ADAMTS3: variants seen among roughly 807,000 people sequenced by gnomAD.
The protein encoded by ADAMTS3 is ADAM metallopeptidase with thrombospondin type 1 motif 3, also known as A disintegrin and metalloproteinase with thrombospondin motifs 3.
In ADAMTS3, 73 loss-of-function variants were observed where a neutral mutation model predicts 129.0. The observed-to-expected ratio is 0.57, with a 90% CI of 0.47 to 0.69. The LOEUF (loss-of-function observed/expected upper bound fraction) is 0.69. ADAMTS3 is among the 30% of genes least tolerant of loss of function. The probability of loss-of-function intolerance (pLI) is 0.00; values close to 1 mark genes in which losing one functional copy is unlikely to be tolerated. For missense variants in ADAMTS3, 1,457 were observed against 1,514.5 expected, an observed-to-expected ratio of 0.96 and a Z score of 0.63; for synonymous variants, 477 against 510.8, an observed-to-expected ratio of 0.93 and a Z score of 0.89.
intron 2 of ADAMTS3, among the ~76,000 whole-genome samples, chr4:72,560,369 G>A (rs1721874124): frequency 1.3e-5 from 2 of 151,998 alleles, no homozygotes; most frequent in South Asian, 2.1e-4. Context: ...TTAAACTAAA[G>A]AGTTTCTACA....
At chr4:72,322,923 T>G (rs1719595740) in intron 6 of ADAMTS3, 91 bp downstream of exon 6, 1 of 989,790 alleles carries the variant, frequency 1.0e-6, no homozygotes, top group Non-Finnish European at 1.6e-6. Context: ...AATATATCTA[T>G]GCCTTAAGTT....
At chr4:72,440,325 T>C (rs150008251) in intron 3 of ADAMTS3, among the ~76,000 whole-genome samples, 1 of 151,920 alleles carries the variant, frequency 6.6e-6, no homozygotes, top group East Asian at 2.0e-4. Flanking sequence ...AATTGCTCAA[T>C]AGCAAAAACA....
intron 4 of ADAMTS3, among the ~76,000 whole-genome samples, chr4:72,384,030 A>T (rs778754874): frequency 5.9e-5 from 9 of 151,728 alleles, no homozygotes; most frequent in Non-Finnish European, 1.2e-4. Context: ...TATATATTTT[A>T]AAAATCAAGT....
At chr4:72,545,864 AT>A (rs1331761751) in intron 3 of ADAMTS3, among the ~76,000 whole-genome samples, 2 of 152,204 alleles carry the variant, frequency 1.3e-5, no homozygotes, top group African/African-American at 4.8e-5. Flanking sequence ...TCCACTGTTA[AT>A]AGCTAAAAAC....
At chr4:72,476,393 A>C (rs73825547) in intron 3 of ADAMTS3, among the ~76,000 whole-genome samples, 7,013 of 152,148 alleles carry the variant, frequency 0.046, 545 homozygotes, top group African/African-American at 0.16. Context: ...TCCCCAAAAA[A>C]CATAAACTAC....
At chr4:72,502,496 T>C (rs909941627) in intron 3 of ADAMTS3, among the ~76,000 whole-genome samples, 1 of 152,178 alleles carries the variant, frequency 6.6e-6, no homozygotes, top group Admixed American at 6.5e-5. Flanking sequence ...ATTTGGACTT[T>C]CTTGTTTTCA....
At chr4:72,398,922 A>G (rs577997571) in intron 4 of ADAMTS3, among the ~76,000 whole-genome samples, 30 of 152,288 alleles carry the variant, frequency 2.0e-4, no homozygotes, top group African/African-American at 7.0e-4. Context: ...CAGACATCTA[A>G]GGTGATAAGT....
intron 4 of ADAMTS3, among the ~76,000 whole-genome samples, chr4:72,382,020 C>T (rs535959115): frequency 6.6e-6 from 1 of 152,212 alleles, no homozygotes; most frequent in East Asian, 1.9e-4. Context: ...CATGTCAGTA[C>T]AGCGAAGTGC....
chr4:72,310,406 T>G (rs1344114764), intron 14 of ADAMTS3, among the ~76,000 whole-genome samples: 1 of 152,058 alleles, frequency 6.6e-6, no homozygotes, highest in African/African-American at 2.4e-5. Context: ...AAATGTAAGC[T>G]CAATTACTTT....
rs551464417 is a variant in ADAMTS3 at position 72,558,246 on chromosome 4, C to T, written c.97+9128G>A. Reference sequence around the variant, plus strand: ...AAGTAGGAGAAACTGGGACAGTCTACTAGGTCACTGAGCTAAAATCAAGTC... The same window carrying T: ...AAGTAGGAGAAACTGGGACAGTCTATTAGGTCACTGAGCTAAAATCAAGTC... On this transcript the variant is annotated intron_variant, in intron 2 of 21. Transcript: ENST00000286657. 2.9e-4 allele frequency among the ~76,000 whole-genome samples: 44 copies of T among 151,968 alleles called. 2 individuals are homozygous for T. Among genetic ancestry groups the T allele is most frequent in the African/African-American group, 1.1e-3 (44 of 41,230 alleles).
intron 2 of ADAMTS3, among the ~76,000 whole-genome samples, chr4:72,555,589 C>G (rs2679017): frequency 0.98 from 148,913 of 151,948 alleles, 73,128 homozygotes; most frequent in East Asian, 1. Flanking sequence ...AAAAATCTCT[C>G]TGGGAGAAGA....
At chr4:72,312,585 G>C in intron 12 of ADAMTS3, 119 bp from the exon 13 acceptor site, 2 of 857,726 alleles carry the variant, frequency 2.3e-6, no homozygotes, top group East Asian at 5.3e-5. Context: ...CAAAGTGAAT[G>C]AACTCATACT....
chr4:72,482,851 T>G (rs1181376988), intron 3 of ADAMTS3, among the ~76,000 whole-genome samples: 1 of 152,128 alleles, frequency 6.6e-6, no homozygotes, highest in Admixed American at 6.5e-5. Context: ...AATAAGTCAT[T>G]GGAAAATTGG....
intron 4 of ADAMTS3, among the ~76,000 whole-genome samples, chr4:72,389,521 GA>G (rs766273476): frequency 3.5e-5 from 5 of 141,564 alleles, no homozygotes; most frequent in South Asian, 2.2e-4. Context: ...ATTAAAAGAT[GA>G]AAAAAACAAA....
Position 72,416,416 on chromosome 4 carries a change from C to G in ADAMTS3, c.505-1445G>C, listed in dbSNP as rs568672193. ...TGCCTTTATGATGTGCACATACAAA[C>G]AGCCCTGGAACCTATGCGACCGTGT... is the stretch of plus-strand genomic sequence containing the variant. On this transcript the variant is annotated intron_variant, in intron 3 of 21. Coordinates refer to ENST00000286657, the MANE Select transcript of ADAMTS3 (RefSeq NM_014243.3). Among the ~76,000 whole-genome samples, 16 of 151,968 alleles carry G rather than the reference C, an allele frequency of 1.1e-4. No individual in the cohort carries two copies. In the East Asian group the frequency reaches 2.9e-3, roughly 28 times the overall value.
intron 3 of ADAMTS3, among the ~76,000 whole-genome samples, chr4:72,525,949 C>T (rs1211231851): frequency 6.6e-6 from 1 of 152,076 alleles, no homozygotes; most frequent in African/African-American, 2.4e-5. Flanking sequence ...AATCAAATTC[C>T]CCCTTAAGAA....
intron 3 of ADAMTS3, among the ~76,000 whole-genome samples, chr4:72,521,659 T>G (rs978609660): frequency 6.6e-6 from 1 of 152,124 alleles, no homozygotes; most frequent in African/African-American, 2.4e-5. Context: ...ATTTATTATA[T>G]TATACATAAA....
At chr4:72,538,528 C>G (rs936870365) in intron 3 of ADAMTS3, among the ~76,000 whole-genome samples, 7 of 151,710 alleles carry the variant, frequency 4.6e-5, no homozygotes, top group Admixed American at 3.9e-4. Context: ...CAAGGTATGG[C>G]AAAAAATCCC....
intron 3 of ADAMTS3, among the ~76,000 whole-genome samples, chr4:72,426,031 C>T (rs994888422): frequency 5.3e-5 from 8 of 152,102 alleles, no homozygotes; most frequent in Non-Finnish European, 8.8e-5. Flanking sequence ...CCATTCTAAC[C>T]AGTGTGAGAT....
Sources: allele counts gnomAD v4.1 joint callset (sites outside exome capture counted in the v4.1 genomes callset), GRCh38; gene constraint gnomAD v4.1.1; transcripts MANE v1.5; gene names NCBI Gene and HGNC (gene_info 2026-07-23, HGNC 2026-07-21).